The following DMXL1 variants were observed in gnomAD, a reference collection of about 807,000 sequenced individuals.
DMXL1 encodes dmX-like protein 1.
A neutral mutation model predicts 319.2 loss-of-function variants in DMXL1; 99 were observed. That is an observed-to-expected ratio of 0.31 (90% CI 0.26 to 0.37). The LOEUF (loss-of-function observed/expected upper bound fraction) is 0.37. Ranked by LOEUF, DMXL1 falls within the 10% of genes least tolerant of loss-of-function variation. The pLI, the probability that DMXL1 is intolerant of heterozygous loss-of-function variation, is 1.00. For synonymous variants in DMXL1, 1,385 were observed against 1,235.2 expected (o/e 1.12, Z -2.54); for missense variants, 3,745 against 3,595.6 (o/e 1.04, Z -1.06).
chr5:119,176,517 A>T (rs1014209129), intron 26 of DMXL1, among the ~76,000 whole-genome samples: 1 of 151,914 alleles, frequency 6.6e-6, no homozygotes, highest in African/African-American at 2.4e-5. Flanking sequence ...TATGATTTCT[A>T]TAGGAATGAG....
intron 37 of DMXL1, among the ~76,000 whole-genome samples, chr5:119,222,704 C>T (rs187048500): frequency 6.6e-6 from 1 of 152,144 alleles, no homozygotes. Flanking sequence ...TTTCCCAATA[C>T]GGCTTTTAAA....
intron 9 of DMXL1, chr5:119,128,154 G>T: frequency 4.0e-6 from 2 of 494,780 alleles, no homozygotes; most frequent in South Asian, 3.0e-5. Context: ...CACCTTCTTT[G>T]ATTAAAACTT....
chr5:119,220,694 T>G lies in DMXL1; in HGVS notation c.8135+101T>G. On this transcript the variant is annotated intron_variant, in intron 36 of 43. Transcript: ENST00000539542. The stretch of plus-strand genomic sequence containing the variant: ...AGATTCTTTAAAGCAATGTATAGAT[T>G]GTAAGCAGAGTAGAAGCTGATGTGC... 3 of 1,426,828 alleles carry G rather than the reference T, an allele frequency of 2.1e-6. No individual in the cohort carries two copies. In the South Asian group the frequency reaches 4.1e-5, roughly 20 times the overall value. 88.4% of individuals were successfully genotyped at this position (1,426,828 alleles called of 1,614,324 possible).
In DMXL1 at chr5:119,150,316, A is replaced by G; in HGVS notation, c.4489A>G (p.Ser1497Gly). The G allele has an allele frequency of 6.2e-7, 1 of 1,613,834 alleles. No individual in the cohort carries two copies. Among genetic ancestry groups the G allele is most frequent in the Non-Finnish European group, 8.5e-7 (1 of 1,179,846 alleles). Reference sequence around the variant, plus strand: ...TCTTTCTGGCCACTTACTTCATTCTAGTTTACCAGGACTCAGCCGGATGGA... The same window carrying G: ...TCTTTCTGGCCACTTACTTCATTCTGGTTTACCAGGACTCAGCCGGATGGA... ...QVLSGHLLHS[S>G]LPGLSRMEQM... Residue 1497 changes from serine to glycine, a missense_variant, in exon 18 of 44, where the codon AGT becomes GGT. Ser to Gly is a moderately conservative substitution (Grantham distance 56). This residue lies in a region of DMXL1 where 2,096 missense variants were observed against 1,985.4 expected (regional missense o/e 1.06). Coordinates refer to ENST00000539542, the MANE Select transcript of DMXL1 (RefSeq NM_001290321.3).
At chr5:119,108,855 G>A (rs969077701) in intron 4 of DMXL1, among the ~76,000 whole-genome samples, 1 of 151,928 alleles carries the variant, frequency 6.6e-6, no homozygotes, top group African/African-American at 2.4e-5. Context: ...AGGCTGGAGT[G>A]CAATGGTGTG....
At chr5:119,159,237 A>T (rs1221079861) in intron 19 of DMXL1, among the ~76,000 whole-genome samples, 2 of 151,828 alleles carry the variant, frequency 1.3e-5, no homozygotes, top group African/African-American at 4.8e-5. Context: ...GTTTCAGGTG[A>T]TTCTCCTACT....
chr5:119,113,432 G>A (rs1760115189), intron 5 of DMXL1, among the ~76,000 whole-genome samples: 1 of 152,106 alleles, frequency 6.6e-6, no homozygotes, highest in Non-Finnish European at 1.5e-5. Context: ...TAGCAGAGAT[G>A]GGGTTTCATC....
At chr5:119,211,890 G>T (rs1471023080) in intron 34 of DMXL1, among the ~76,000 whole-genome samples, 2 of 152,056 alleles carry the variant, frequency 1.3e-5, no homozygotes, top group Admixed American at 1.3e-4. Context: ...GTAAAATTAG[G>T]GCTGATAATT....
chr5:119,175,768 A>G (rs1775675765), intron 26 of DMXL1, among the ~76,000 whole-genome samples: 1 of 152,120 alleles, frequency 6.6e-6, no homozygotes, highest in African/African-American at 2.4e-5. Context: ...GTAACTTGGA[A>G]TTGAGAAAAA....
At position 119,146,902 on chromosome 5, in the gene DMXL1, C is replaced by T. The variant is rs1397088631; in HGVS notation, c.2635C>T (p.Arg879Cys). The change falls in exon 16 of 44, where the codon CGT (arginine) becomes TGT (cysteine). Residue 879 changes from arginine (R) to cysteine (C), a missense_variant. This residue lies in a region of DMXL1 where 2,096 missense variants were observed against 1,985.4 expected (regional missense o/e 1.06). Transcript: ENST00000539542. ...LIVIECTQDN[R>C]SLLHMWNLHL... ...TGTAATAGAATGCACTCAAGACAAC[C>T]GTTCACTGTTACACATGTGGAATTT... 5.6e-6 allele frequency: 9 copies of T among 1,611,394 alleles called. No individual in the cohort carries two copies. The Admixed American group carries it at 6.7e-5, about 12-fold the overall frequency.
chr5:119,076,781 T>C (rs1218631908), intron 1 of DMXL1, among the ~76,000 whole-genome samples: 2 of 152,342 alleles, frequency 1.3e-5, no homozygotes, highest in East Asian at 1.9e-4. Flanking sequence ...TTGAATTTTA[T>C]TGAAATTTAG....
intron 13 of DMXL1, among the ~76,000 whole-genome samples, chr5:119,140,891 T>G (rs977665819): frequency 2.6e-5 from 4 of 152,096 alleles, no homozygotes; most frequent in African/African-American, 9.7e-5. Context: ...CAGCAGCACA[T>G]TAAAAAGCTA....
rs1299601569 is a variant in DMXL1 at position 119,105,270 on chromosome 5, A to G, written c.364+12A>G. The G allele has an allele frequency of 6.2e-7, 1 of 1,601,248 alleles. No individual in the cohort carries two copies. Among genetic ancestry groups the G allele is most frequent in the Non-Finnish European group, 8.6e-7 (1 of 1,168,990 alleles). On this transcript the variant is annotated intron_variant, in intron 4 of 43. Coordinates refer to ENST00000539542, the MANE Select transcript of DMXL1 (RefSeq NM_001290321.3). ...CTGGGATCCCACAGGTAAGAAAATAAGCAGGATTAACTAAAATGAAATATC... is the reference window on the plus strand; with the variant it reads ...CTGGGATCCCACAGGTAAGAAAATAGGCAGGATTAACTAAAATGAAATATC...
intron 37 of DMXL1, among the ~76,000 whole-genome samples, chr5:119,223,057 G>GTTTT (rs35683993): frequency 4.1e-5 from 5 of 123,414 alleles, no homozygotes; most frequent in African/African-American, 6.1e-5. Flanking sequence ...ACTTAGTTGT[G>GTTTT]TTTTTTTTTT....
In DMXL1 at chr5:119,116,222, A is replaced by T; in HGVS notation, c.629A>T (p.Asp210Val). Residue 210 changes from aspartate (D) to valine (V), a missense_variant, in exon 7 of 44, where the codon GAT becomes GTT. Asp to Val is a radical substitution (Grantham distance 152). Coordinates refer to ENST00000539542, the MANE Select transcript of DMXL1 (RefSeq NM_001290321.3). ...TGGCGGACAGCTGTTACTTCTCCAG[A>T]TGGAAGTTCAGAAAAACAATCCCAA... ...ENWRTAVTSP[D>V]GSSEKQSQGE... 6.2e-7 allele frequency: 1 copy of T among 1,613,902 alleles called. No individual in the cohort carries two copies. Among genetic ancestry groups the T allele is most frequent in the Non-Finnish European group, 8.5e-7 (1 of 1,179,982 alleles).
At chr5:119,197,718 T>C in intron 31 of DMXL1, 37 bp from the exon 32 acceptor site, 1 of 1,588,460 alleles carries the variant, frequency 6.3e-7, no homozygotes. Context: ...GGCATTTTAC[T>C]GCATAAGATT....
intron 25 of DMXL1, among the ~76,000 whole-genome samples, chr5:119,174,204 A>G (rs1217006811): frequency 4.6e-5 from 7 of 152,154 alleles, no homozygotes; most frequent in African/African-American, 1.4e-4. Flanking sequence ...TGTTTGGTCA[A>G]ATGTCTGTGC....
chr5:119,212,864 TC>T (rs1783043864), intron 34 of DMXL1, among the ~76,000 whole-genome samples: 1 of 152,176 alleles, frequency 6.6e-6, no homozygotes, highest in East Asian at 1.9e-4. Flanking sequence ...TGTTCCTAGT[TC>T]CTTCCCTTCC....
intron 1 of DMXL1, among the ~76,000 whole-genome samples, chr5:119,075,353 C>A (rs1417711668): frequency 6.6e-6 from 1 of 151,420 alleles, no homozygotes; most frequent in Non-Finnish European, 1.5e-5. Context: ...TGTTCTCGTG[C>A]CTCTGCCTCC....
Sources: gnomAD v4.1 joint callset for allele counts (sites outside exome capture counted in the v4.1 genomes callset) on GRCh38, gnomAD v4.1.1 for gene constraint, gnomAD v4.1.1 regional missense constraint, MANE v1.5 for transcripts, NCBI Gene and HGNC (gene_info 2026-07-23, HGNC 2026-07-21) for gene names.